CRB1: variants seen among roughly 807,000 people sequenced by gnomAD.
CRB1 encodes crumbs cell polarity complex component 1, also known as protein crumbs homolog 1.
In CRB1, 83 loss-of-function variants were observed where a neutral mutation model predicts 120.0. That is an observed-to-expected ratio of 0.69 (90% CI 0.58 to 0.83). The LOEUF is 0.83. Ranked by LOEUF, CRB1 falls within the 40% of genes least tolerant of loss-of-function variation. The pLI is 0.00. For synonymous variants in CRB1, 625 were observed against 612.5 expected, an observed-to-expected ratio of 1.02 and a Z score of -0.30; for missense variants, 1,699 against 1,687.6, an observed-to-expected ratio of 1.01 and a Z score of -0.12.
intron 1 of CRB1, among the ~76,000 whole-genome samples, chr1:197,296,195 C>T (rs1656507776): frequency 1.3e-5 from 2 of 152,090 alleles, no homozygotes; most frequent in African/African-American, 4.8e-5. Flanking sequence ...TTTTTCATCA[C>T]AGGTAAAATC....
chr1:197,344,657 T>C (rs1659668443), intron 3 of CRB1, among the ~76,000 whole-genome samples, 181 bp downstream of exon 3: 1 of 152,216 alleles, frequency 6.6e-6, no homozygotes, highest in South Asian at 2.1e-4. Flanking sequence ...ACCATCTGTC[T>C]CAAGAGGGAA....
At chr1:197,389,609 T>A (rs1662391546) in intron 5 of CRB1, among the ~76,000 whole-genome samples, 1 of 152,092 alleles carries the variant, frequency 6.6e-6, no homozygotes, top group Non-Finnish European at 1.5e-5. Context: ...TGGAGATGGA[T>A]GGTGGTGACG....
At chr1:197,380,131 A>G (rs1203388762) in intron 5 of CRB1, among the ~76,000 whole-genome samples, 1 of 152,240 alleles carries the variant, frequency 6.6e-6, no homozygotes, top group East Asian at 1.9e-4. Flanking sequence ...GCAGAGCCCA[A>G]GGTGATTAAA....
intron 5 of CRB1, among the ~76,000 whole-genome samples, chr1:197,382,001 C>T (rs148471564): frequency 9.9e-4 from 151 of 152,232 alleles, no homozygotes; most frequent in Non-Finnish European, 1.7e-3. Context: ...ATGTAATTTT[C>T]GAACACATAA....
At chr1:197,428,097 ATG>A in intron 7 of CRB1, 96 bp downstream of exon 7, 3 of 1,114,578 alleles carry the variant, frequency 2.7e-6, no homozygotes, top group Middle Eastern at 2.1e-4. Context: ...GTATATAAAG[ATG>A]ATGTTACTGA....
At chr1:197,225,994 G>A in the CRB1 span, among the ~76,000 whole-genome samples, 6 of 152,024 alleles carry the variant, frequency 3.9e-5, no homozygotes, top group Admixed American at 3.9e-4. Context: ...CCTGCCTCCT[G>A]GGTCCAAGCT....
At chr1:197,385,083 T>C (rs1006414121) in intron 5 of CRB1, among the ~76,000 whole-genome samples, 1 of 152,158 alleles carries the variant, frequency 6.6e-6, no homozygotes, top group African/African-American at 2.4e-5. Context: ...TCATTAATTC[T>C]GGTAACTTGT....
chr1:197,297,962 G>A (rs1468860960), intron 1 of CRB1, among the ~76,000 whole-genome samples: 1 of 152,098 alleles, frequency 6.6e-6, no homozygotes, highest in Non-Finnish European at 1.5e-5. Context: ...TAGCCAGATG[G>A]CAGTTGGCTG....
Position 197,268,345 on chromosome 1 carries a change from A to G in CRB1, c.-68A>G. ...GCACCCGCTCCTCTCTGAGACAGAC[A>G]GGGATCAGGAGCCGGACTGGGACCA... On this transcript the variant is annotated 5_prime_UTR_variant, in exon 1 of 12. Coordinates refer to ENST00000367400, the MANE Select transcript of CRB1 (RefSeq NM_201253.3). The G allele has an allele frequency of 8.7e-7, 1 of 1,146,674 alleles. No homozygotes were observed. The highest frequency in any genetic ancestry group is 1.2e-5 in the South Asian group (1 of 81,438). 71.0% of individuals were successfully genotyped at this position (1,146,674 alleles called of 1,614,324 possible). A position where few individuals can be genotyped will look rare whatever the true frequency, so the allele number is the denominator to read the frequency against.
At chr1:197,299,047 A>C (rs1656710677) in intron 1 of CRB1, among the ~76,000 whole-genome samples, 1 of 152,134 alleles carries the variant, frequency 6.6e-6, no homozygotes, top group African/African-American at 2.4e-5. Flanking sequence ...AAATACTGTA[A>C]GTAATGTAGA....
At chr1:197,269,500 A>C (rs1654788169) in intron 1 of CRB1, among the ~76,000 whole-genome samples, 1 of 152,190 alleles carries the variant, frequency 6.6e-6, no homozygotes, top group Non-Finnish European at 1.5e-5. Flanking sequence ...ACTTGACTGC[A>C]ACGCACACTC....
chr1:197,219,496 C>T, the CRB1 span, among the ~76,000 whole-genome samples: 1 of 152,222 alleles, frequency 6.6e-6, no homozygotes, highest in Non-Finnish European at 1.5e-5. Flanking sequence ...TAAAGCTTAC[C>T]TATTATTACC....
intron 4 of CRB1, among the ~76,000 whole-genome samples, chr1:197,350,106 C>CAA (rs551040523): frequency 0.019 from 1,238 of 65,618 alleles, 24 homozygotes; most frequent in African/African-American, 0.049. Flanking sequence ...GACTCCGTCT[C>CAA]AAAAAAAAAA....
chr1:197,356,329 G>C (rs1201161519), intron 4 of CRB1, among the ~76,000 whole-genome samples: 1 of 152,038 alleles, frequency 6.6e-6, no homozygotes, highest in East Asian at 1.9e-4. Context: ...TCTTATTCCT[G>C]GTCCTAATAA....
intron 11 of CRB1, among the ~76,000 whole-genome samples, chr1:197,460,710 T>C (rs1666492108): frequency 6.6e-6 from 1 of 152,148 alleles, no homozygotes; most frequent in Admixed American, 6.6e-5. Flanking sequence ...CAGTGTATAA[T>C]TTTGGTTTTC....
intron 11 of CRB1, among the ~76,000 whole-genome samples, chr1:197,454,598 T>C (rs1405049779): frequency 6.6e-6 from 1 of 152,168 alleles, no homozygotes; most frequent in Non-Finnish European, 1.5e-5. Flanking sequence ...GTGGAGCTCC[T>C]GGATTATAGA....
chr1:197,300,417 G>C (rs1043750062), intron 1 of CRB1, among the ~76,000 whole-genome samples: 21 of 151,954 alleles, frequency 1.4e-4, no homozygotes, highest in Admixed American at 1.4e-3. Context: ...GTGAAAGTTT[G>C]AGTGGTCTGG....
rs573321372 is a variant in CRB1, at chr1:197,352,124, C to A, written c.988+4645C>A. ...GCCCAGATGTGATTGGAATTGTTAA[C>A]AAACATAATATAAGAACCCCAGGGA... On this transcript the variant is annotated intron_variant, in intron 4 of 11. Coordinates refer to ENST00000367400, the MANE Select transcript of CRB1 (RefSeq NM_201253.3). Among the ~76,000 whole-genome samples, 29 of 152,248 alleles carry A rather than the reference C, an allele frequency of 1.9e-4. No homozygotes were observed. In the South Asian group the frequency reaches 6.0e-3, roughly 32 times the overall value.
chr1:197,384,065 T>G (rs184170371), intron 5 of CRB1, among the ~76,000 whole-genome samples: 39 of 152,276 alleles, frequency 2.6e-4, no homozygotes. Context: ...AAAAGAAAAA[T>G]TAGTTACCAA....
Sources: gnomAD v4.1 joint callset for allele counts (sites outside exome capture counted in the v4.1 genomes callset) on GRCh38, gnomAD v4.1.1 for gene constraint, MANE v1.5 for transcripts, NCBI Gene and HGNC (gene_info 2026-07-23, HGNC 2026-07-21) for gene names.